BRAF: variants seen among roughly 807,000 people sequenced by gnomAD.
The protein encoded by BRAF is serine/threonine-protein kinase B-raf.
BRAF carries 16 observed loss-of-function variants against 104.6 expected under a neutral mutation model. The observed-to-expected ratio is 0.15, with a 90% confidence interval of 0.10 to 0.23. The LOEUF (loss-of-function observed/expected upper bound fraction) is 0.23. BRAF is among the 10% of genes least tolerant of loss of function. The probability of loss-of-function intolerance (pLI) is 1.00; values close to 1 mark genes in which losing one functional copy is unlikely to be tolerated. For synonymous variants in BRAF, 310 were observed against 341.6 expected, an observed-to-expected ratio of 0.91 and a Z score of 1.02; for missense variants, 541 against 937.3, an observed-to-expected ratio of 0.58 and a Z score of 5.52.
chr7:140,771,148 C>T (rs1799810019), intron 14 of BRAF, among the ~76,000 whole-genome samples: 1 of 152,084 alleles, frequency 6.6e-6, no homozygotes, highest in Non-Finnish European at 1.5e-5. Flanking sequence ...ATTCTGTAAT[C>T]CAATAAAGGT....
At chr7:140,848,528 G>T (rs1562993639) in intron 2 of BRAF, among the ~76,000 whole-genome samples, 1 of 152,184 alleles carries the variant, frequency 6.6e-6, no homozygotes, top group Non-Finnish European at 1.5e-5. Flanking sequence ...TGAGGAGGGG[G>T]CAGTGAATCA....
Position 140,837,085 on chromosome 7 carries a change from T to G in BRAF, c.241-2213A>C, listed in dbSNP as rs140816743. 1.9e-3 allele frequency among the ~76,000 whole-genome samples: 291 copies of G among 152,300 alleles called. 2 individuals carry two copies. Among genetic ancestry groups the G allele is most frequent in the Middle Eastern group, 6.8e-3 (2 of 294 alleles). The stretch of plus-strand genomic sequence containing the variant: ...TTTTGTTAAGTACAAAACATCTACT[T>G]ATTCCATCTGTCCCTATCCTCAAAG... On this transcript the variant is annotated intron_variant, in intron 2 of 19. Transcript: ENST00000644969.
At chr7:140,815,014 A>G (rs1474017048) in intron 3 of BRAF, among the ~76,000 whole-genome samples, 1 of 151,928 alleles carries the variant, frequency 6.6e-6, no homozygotes, top group Non-Finnish European at 1.5e-5. Flanking sequence ...AACATCTTAA[A>G]TAAACTGGCA....
chr7:140,849,313 A>C (rs1295512076), intron 2 of BRAF, among the ~76,000 whole-genome samples: 1 of 152,212 alleles, frequency 6.6e-6, no homozygotes, highest in African/African-American at 2.4e-5. Context: ...AATTATGCTC[A>C]AGGCTTGACA....
intron 1 of BRAF, among the ~76,000 whole-genome samples, chr7:140,883,394 T>G (rs1010494603): frequency 6.6e-6 from 1 of 152,224 alleles, no homozygotes. Flanking sequence ...TGGCCTTTAA[T>G]CTGTCGTATA....
At chr7:140,759,427 C>T (rs1356303426) in intron 14 of BRAF, among the ~76,000 whole-genome samples, 1 of 152,210 alleles carries the variant, frequency 6.6e-6, no homozygotes, top group Non-Finnish European at 1.5e-5. Context: ...GCCCTTGTCA[C>T]CCAGGCTGGA....
At chr7:140,865,935 A>C (rs1488249224) in intron 1 of BRAF, among the ~76,000 whole-genome samples, 1 of 152,236 alleles carries the variant, frequency 6.6e-6, no homozygotes, top group Non-Finnish European at 1.5e-5. Flanking sequence ...TAAGCCCTAA[A>C]GTTTCAGGGA....
intron 3 of BRAF, among the ~76,000 whole-genome samples, chr7:140,828,627 T>C (rs533994230): frequency 7.9e-5 from 12 of 152,328 alleles, no homozygotes; most frequent in African/African-American, 2.9e-4. Flanking sequence ...ACAGGCTGCA[T>C]TGTACTACAT....
intron 8 of BRAF, among the ~76,000 whole-genome samples, chr7:140,788,140 T>C (rs540936692): frequency 1.3e-5 from 2 of 152,240 alleles, no homozygotes; most frequent in Admixed American, 1.3e-4. Context: ...CCCCTGAACT[T>C]TGGAAATAAA....
intron 6 of BRAF, chr7:140,801,186 C>T (rs779838358): frequency 1.8e-4 from 89 of 495,554 alleles, no homozygotes; most frequent in Non-Finnish European, 2.2e-4. Flanking sequence ...ATTAATTAAA[C>T]GATAATATAA....
chr7:140,899,695 T>C lies in BRAF; in HGVS notation c.138+24871A>G, dbSNP rs112238723. Among the ~76,000 whole-genome samples the C allele has an allele frequency of 9.6e-3, 1,455 of 152,336 alleles. 19 individuals are homozygous for C. Among genetic ancestry groups the C allele is most frequent in the African/African-American group, 0.033 (1,389 of 41,560 alleles). On this transcript the variant is annotated intron_variant, in intron 1 of 19. Coordinates refer to ENST00000644969, the MANE Select transcript of BRAF (RefSeq NM_001374258.1). Reference sequence around the variant, plus strand: ...TTGCCCTTTTTCCAATTTGGTGTTCTGTCTTTGTCTTAGAAATCTATAGGA... The same window carrying C: ...TTGCCCTTTTTCCAATTTGGTGTTCCGTCTTTGTCTTAGAAATCTATAGGA...
At chr7:140,748,645 A>G (rs1797544823) in intron 17 of BRAF, among the ~76,000 whole-genome samples, 1 of 152,178 alleles carries the variant, frequency 6.6e-6, no homozygotes, top group African/African-American at 2.4e-5. Context: ...TAGTAAAGAT[A>G]ATTCACTTTT....
rs1194775887 is a variant in BRAF at position 140,721,902 on chromosome 7, C to T, written c.*4592G>A. 1.1e-5 allele frequency: 14 copies of T among 1,256,184 alleles called. No homozygotes were observed. Among genetic ancestry groups the T allele is most frequent in the African/African-American group, 1.5e-5 (1 of 64,622 alleles). 77.8% of individuals were successfully genotyped at this position (1,256,184 alleles called of 1,614,324 possible). ...TCCAGCTTCATGTGCAATCAAGTCC[C>T]GGGAAGAAATTTACATTTCAAACTC... is the stretch of plus-strand genomic sequence containing the variant. On this transcript the variant is annotated 3_prime_UTR_variant, in exon 20 of 20. Transcript: ENST00000644969.
chr7:140,851,189 TA>T (rs1220974415), intron 1 of BRAF, among the ~76,000 whole-genome samples: 1 of 151,846 alleles, frequency 6.6e-6, no homozygotes, highest in Non-Finnish European at 1.5e-5. Flanking sequence ...GATAAATAAG[TA>T]ATCAGGTTTT....
intron 16 of BRAF, among the ~76,000 whole-genome samples, chr7:140,751,730 G>A (rs1797807983): frequency 6.6e-6 from 1 of 152,094 alleles, no homozygotes; most frequent in African/African-American, 2.4e-5. Flanking sequence ...ACTGTCATAA[G>A]AAATCACAGC....
At chr7:140,820,257 C>T (rs2129054051) in intron 3 of BRAF, among the ~76,000 whole-genome samples, 1 of 152,276 alleles carries the variant, frequency 6.6e-6, no homozygotes, top group African/African-American at 2.4e-5. Flanking sequence ...AAGTTTCATA[C>T]ACTTGTTGAG....
At chr7:140,922,386 G>T (rs1394789809) in intron 1 of BRAF, among the ~76,000 whole-genome samples, 2 of 152,080 alleles carry the variant, frequency 1.3e-5, no homozygotes, top group African/African-American at 4.8e-5. Flanking sequence ...GACTCTTCAG[G>T]GGGTACAGTT....
intron 14 of BRAF, among the ~76,000 whole-genome samples, chr7:140,756,066 T>C (rs752485359): frequency 4.0e-5 from 6 of 151,774 alleles, no homozygotes; most frequent in East Asian, 1.9e-4. Context: ...AAGAATAGAG[T>C]AGACAGAAAT....
chr7:140,728,365 C>T (rs549366406), intron 19 of BRAF, among the ~76,000 whole-genome samples: 2 of 152,266 alleles, frequency 1.3e-5, no homozygotes, highest in South Asian at 4.1e-4. Context: ...ACAATTAACA[C>T]TTTGTTTTCC....
Sources: allele counts gnomAD v4.1 joint callset (sites outside exome capture counted in the v4.1 genomes callset), GRCh38; gene constraint gnomAD v4.1.1; transcripts MANE v1.5; gene names NCBI Gene and HGNC (gene_info 2026-07-23, HGNC 2026-07-21).